SENP7: variants seen among roughly 807,000 people sequenced by gnomAD.
The protein encoded by SENP7 is sentrin-specific protease 7.
In SENP7, 64 loss-of-function variants were observed where a neutral mutation model predicts 141.2. That is an observed-to-expected ratio of 0.45 (90% CI 0.37 to 0.56). SENP7 has a LOEUF of 0.56. Among genes scored for constraint, SENP7 ranks in the 20% least tolerant of loss-of-function variants. SENP7 has a pLI of 0.00. For synonymous variants in SENP7, 382 were observed against 426.4 expected, an observed-to-expected ratio of 0.90 and a Z score of 1.28; for missense variants, 1,025 against 1,212.2, an observed-to-expected ratio of 0.85 and a Z score of 2.29.
intron 8 of SENP7, 148 bp from the exon 9 acceptor site, chr3:101,366,917 C>T (rs1482233159): frequency 3.0e-5 from 17 of 560,818 alleles, no homozygotes; most frequent in Non-Finnish European, 4.3e-5. Flanking sequence ...ATTATACTTG[C>T]CAATGTCTCC....
At position 101,493,812 on chromosome 3, in the gene SENP7, C is replaced by T. The variant is rs546612707; in HGVS notation, c.186+61G>A. The T allele has an allele frequency of 9.1e-5, 91 of 997,486 alleles. No homozygotes were observed. The South Asian group carries it at 1.5e-3, about 16-fold the overall frequency. 61.8% of individuals were successfully genotyped at this position (997,486 alleles called of 1,614,324 possible). A position where few individuals can be genotyped will look rare whatever the true frequency, so the allele number is the denominator to read the frequency against. ...AGAAAATAAACATTCAGTTTTATTA[C>T]AATATTTTAAACATACCAAATAAAA... On this transcript the variant is annotated intron_variant, in intron 3 of 23. Coordinates refer to ENST00000394095, the MANE Select transcript of SENP7 (RefSeq NM_020654.5).
chr3:101,386,682 A>G (rs2060661113), intron 6 of SENP7, among the ~76,000 whole-genome samples: 1 of 152,202 alleles, frequency 6.6e-6, no homozygotes, highest in Admixed American at 6.5e-5. Flanking sequence ...GTGCCAGAAA[A>G]CAAGTAGTGC....
At chr3:101,419,250 A>G (rs2061714381) in intron 4 of SENP7, among the ~76,000 whole-genome samples, 1 of 152,258 alleles carries the variant, frequency 6.6e-6, no homozygotes, top group Non-Finnish European at 1.5e-5. Flanking sequence ...TCATGTACTT[A>G]GAATAAAGAG....
chr3:101,477,748 G>T (rs574595927), intron 3 of SENP7, among the ~76,000 whole-genome samples: 2 of 151,994 alleles, frequency 1.3e-5, no homozygotes, highest in South Asian at 4.2e-4. Flanking sequence ...CTACTTGGGA[G>T]ACTGAGGCAG....
chr3:101,419,503 T>C (rs189298720), intron 4 of SENP7, among the ~76,000 whole-genome samples: 2 of 152,224 alleles, frequency 1.3e-5, no homozygotes, highest in Admixed American at 1.3e-4. Context: ...AGAAGAATGG[T>C]GGGAGCAGAA....
intron 13 of SENP7, among the ~76,000 whole-genome samples, chr3:101,344,451 T>A (rs6777795): frequency 2.0e-5 from 3 of 152,182 alleles, no homozygotes; most frequent in Non-Finnish European, 4.4e-5. Context: ...ATTTTCCTAG[T>A]AGAAGTAATT....
At chr3:101,387,654 G>C (rs578086231) in intron 6 of SENP7, among the ~76,000 whole-genome samples, 11 of 152,334 alleles carry the variant, frequency 7.2e-5, no homozygotes, top group Non-Finnish European at 1.5e-4. Context: ...GGTTGCCACA[G>C]CCACTGCCTG....
At chr3:101,437,811 T>C (rs529875434) in intron 4 of SENP7, among the ~76,000 whole-genome samples, 3 of 152,152 alleles carry the variant, frequency 2.0e-5, no homozygotes, top group East Asian at 3.9e-4. Context: ...AAAGAAGATA[T>C]ATGAATCTCT....
At chr3:101,438,832 G>A (rs535162277) in intron 4 of SENP7, among the ~76,000 whole-genome samples, 109 of 152,132 alleles carry the variant, frequency 7.2e-4, no homozygotes, top group African/African-American at 2.3e-3. Context: ...CCGCGCCGGC[G>A]AGCGCCGCCC....
chr3:101,419,099 G>A (rs1196182865), intron 4 of SENP7, among the ~76,000 whole-genome samples: 1 of 152,122 alleles, frequency 6.6e-6, no homozygotes, highest in Non-Finnish European at 1.5e-5. Context: ...CTGAGAATAT[G>A]ACCTTGAAGC....
chr3:101,424,657 G>A (rs2061899058), intron 4 of SENP7, among the ~76,000 whole-genome samples: 3 of 151,826 alleles, frequency 2.0e-5, no homozygotes, highest in Admixed American at 1.3e-4. Context: ...CCACACCCGT[G>A]CCAACATCAC....
intron 23 of SENP7, among the ~76,000 whole-genome samples, chr3:101,327,175 T>TA (rs967258100): frequency 2.0e-5 from 3 of 151,966 alleles, no homozygotes; most frequent in East Asian, 3.9e-4. Context: ...TCTTTCTCTT[T>TA]AAAAAAAATC....
intron 13 of SENP7, among the ~76,000 whole-genome samples, chr3:101,345,279 G>A (rs1022978262): frequency 6.6e-6 from 1 of 152,090 alleles, no homozygotes; most frequent in African/African-American, 2.4e-5. Context: ...GAATTGCATT[G>A]AATTTGTAGA....
chr3:101,412,522 A>C (rs1229594257), intron 5 of SENP7, among the ~76,000 whole-genome samples: 1 of 152,120 alleles, frequency 6.6e-6, no homozygotes, highest in African/African-American at 2.4e-5. Flanking sequence ...TAGTTTTACC[A>C]TCACATATCT....
Position 101,436,017 on chromosome 3 carries a change from C to A in SENP7, c.285-18227G>T, listed in dbSNP as rs148610482. Among the ~76,000 whole-genome samples the A allele has an allele frequency of 2.1e-3, 326 of 152,240 alleles. 2 individuals are homozygous for A. The highest frequency in any genetic ancestry group is 7.2e-3 in the African/African-American group (301 of 41,566). On this transcript the variant is annotated intron_variant, in intron 4 of 23. Coordinates refer to ENST00000394095, the MANE Select transcript of SENP7 (RefSeq NM_020654.5). ...CTGGAAGAATCACATTACCTGACTT[C>A]ATATTATACTACAGAGCTATACTAA...
At chr3:101,402,705 C>T (rs537972885) in intron 5 of SENP7, among the ~76,000 whole-genome samples, 2 of 151,616 alleles carry the variant, frequency 1.3e-5, no homozygotes, top group South Asian at 2.1e-4. Flanking sequence ...GACAGCACAT[C>T]TGTTTACAGC....
chr3:101,376,926 T>A (rs897201348), intron 6 of SENP7, among the ~76,000 whole-genome samples: 2 of 152,034 alleles, frequency 1.3e-5, no homozygotes, highest in Non-Finnish European at 2.9e-5. Flanking sequence ...TACTCTAAGG[T>A]AAAATGAACT....
In SENP7 at chr3:101,367,892, GCC is replaced by G. The variant is rs1310529685; in HGVS notation, c.914_915del (p.Arg305ThrfsTer2). On this transcript the variant is annotated frameshift_variant, in exon 8 of 24. Coordinates refer to ENST00000394095, the MANE Select transcript of SENP7 (RefSeq NM_020654.5). LOFTEE classifies it high-confidence loss of function. ...LTLISRKTKRRLRNNLPDSQY... is the reference protein window; with the variant it reads ...LTLISRKTKRXLRNNLPDSQY... The stretch of plus-strand genomic sequence containing the variant: ...TGAGAATCAGGTAAATTATTTCTAA[GCC>G]TTCTCTTTGTCTTCCTGGAAATCAG... 1 of 1,610,816 alleles carries G rather than the reference GCC, an allele frequency of 6.2e-7. No homozygotes were observed.
At chr3:101,449,558 C>G (rs915174202) in intron 4 of SENP7, among the ~76,000 whole-genome samples, 2 of 152,164 alleles carry the variant, frequency 1.3e-5, no homozygotes, top group African/African-American at 4.8e-5. Flanking sequence ...GAGTGGGGGC[C>G]AATATTCAAC....
Sources: allele counts gnomAD v4.1 joint callset (sites outside exome capture counted in the v4.1 genomes callset), GRCh38; gene constraint gnomAD v4.1.1; transcripts MANE v1.5; gene names NCBI Gene and HGNC (gene_info 2026-07-23, HGNC 2026-07-21).